HMBOX1: variants seen among roughly 807,000 people sequenced by gnomAD.
HMBOX1 encodes homeobox containing 1.
Under a neutral mutation model 54.5 loss-of-function variants are expected in HMBOX1, and 14 were observed. The ratio of observed to expected loss-of-function variants is 0.26; its 90% CI spans 0.17 to 0.40. HMBOX1 has a LOEUF of 0.40. Ranked by LOEUF, HMBOX1 falls within the 10% of genes least tolerant of loss-of-function variation. The pLI is 1.00. For synonymous variants in HMBOX1, 160 were observed against 181.0 expected (o/e 0.88, Z 0.93); for missense variants, 332 against 514.4 (o/e 0.65, Z 3.43).
chr8:28,966,443 C>G (rs529608192), intron 2 of HMBOX1, among the ~76,000 whole-genome samples: 1 of 152,116 alleles, frequency 6.6e-6, no homozygotes, highest in African/African-American at 2.4e-5. Flanking sequence ...AAAGATGTTC[C>G]TTATCCTCTG....
intron 2 of HMBOX1, among the ~76,000 whole-genome samples, chr8:28,964,309 C>G (rs1382682009): frequency 6.6e-6 from 1 of 152,106 alleles, no homozygotes; most frequent in African/African-American, 2.4e-5. Flanking sequence ...AAACTCCTAG[C>G]ACCTTAACCA....
intron 4 of HMBOX1, among the ~76,000 whole-genome samples, chr8:28,983,015 G>A (rs1314203534): frequency 2.6e-5 from 4 of 152,290 alleles, no homozygotes; most frequent in East Asian, 3.9e-4. Flanking sequence ...ACCGCACCCG[G>A]CTATCATCTC....
At chr8:29,043,788 A>G (rs901296530) in intron 6 of HMBOX1, among the ~76,000 whole-genome samples, 1 of 152,190 alleles carries the variant, frequency 6.6e-6, no homozygotes, top group Non-Finnish European at 1.5e-5. Context: ...GCCTAAGTAA[A>G]TAGGCATAGG....
intron 1 of HMBOX1, among the ~76,000 whole-genome samples, chr8:28,951,950 T>A (rs1229630280): frequency 6.6e-6 from 1 of 152,054 alleles, no homozygotes; most frequent in Non-Finnish European, 1.5e-5. Flanking sequence ...GGAGGAACAC[T>A]TAAGCCCGAT....
rs369522815 is a variant in HMBOX1 at position 28,953,484 on chromosome 8, T to G, written c.-57-10327T>G. On this transcript the variant is annotated intron_variant, in intron 1 of 9. Transcript: ENST00000287701. Reference sequence around the variant, plus strand: ...AAAGATCCTAAACATGACTTTAACTTCTCGATGAGTCACTGTTATGTGTAG... The same window carrying G: ...AAAGATCCTAAACATGACTTTAACTGCTCGATGAGTCACTGTTATGTGTAG... Among the ~76,000 whole-genome samples the G allele has an allele frequency of 3.3e-5, 5 of 152,326 alleles. No individual in the cohort carries two copies. In the South Asian group the frequency reaches 6.2e-4, roughly 19 times the overall value.
In HMBOX1 at chr8:28,950,383, A is replaced by G. The variant is rs76827134; in HGVS notation, c.-57-13428A>G. 3.9e-3 allele frequency among the ~76,000 whole-genome samples: 599 copies of G among 152,326 alleles called. 11 individuals are homozygous for G. In the East Asian group the frequency reaches 0.056, roughly 14 times the overall value. On this transcript the variant is annotated intron_variant, in intron 1 of 9. Transcript: ENST00000287701. The stretch of plus-strand genomic sequence containing the variant: ...TTGCACTAAACTGACATGGAGAGAA[A>G]GTTCTACCTGCTGTAATACATTTGT...
chr8:28,903,386 C>T (rs894643442), intron 1 of HMBOX1, among the ~76,000 whole-genome samples: 2 of 152,148 alleles, frequency 1.3e-5, no homozygotes, highest in African/African-American at 4.8e-5. Flanking sequence ...GTTAGATTGG[C>T]CTGTGGTAAA....
At chr8:28,980,279 G>A in intron 4 of HMBOX1, 123 bp downstream of exon 4, 1 of 729,084 alleles carries the variant, frequency 1.4e-6, no homozygotes, top group Non-Finnish European at 2.4e-6. Context: ...GCATAATTAT[G>A]TATGCCTGTG....
chr8:29,035,507 C>A (rs1803709316), intron 6 of HMBOX1, among the ~76,000 whole-genome samples: 1 of 152,162 alleles, frequency 6.6e-6, no homozygotes, highest in Non-Finnish European at 1.5e-5. Context: ...ATGCAGCTGC[C>A]ATCTAGCTAA....
rs557004719 is a variant in HMBOX1, at chr8:28,974,057, G to A, written c.500+3538G>A. 2.1e-4 allele frequency among the ~76,000 whole-genome samples: 32 copies of A among 151,888 alleles called. 1 individual carries two copies. Among genetic ancestry groups the A allele is most frequent in the Middle Eastern group, 6.8e-3 (2 of 294 alleles). ...TCAAACTCCTGGCCTCAAGTGATCCGCCCACCTTGGCCTCCCAAAGTGCTG... is the reference window on the plus strand; with the variant it reads ...TCAAACTCCTGGCCTCAAGTGATCCACCCACCTTGGCCTCCCAAAGTGCTG... On this transcript the variant is annotated intron_variant, in intron 3 of 9. Transcript: ENST00000287701.
At chr8:28,932,938 T>A (rs1193088250) in intron 1 of HMBOX1, among the ~76,000 whole-genome samples, 4 of 152,208 alleles carry the variant, frequency 2.6e-5, no homozygotes. Context: ...CTTTACATGG[T>A]GATCTCTGTG....
intron 5 of HMBOX1, chr8:29,009,779 A>G: frequency 2.4e-6 from 3 of 1,272,790 alleles, no homozygotes; most frequent in Non-Finnish European, 3.1e-6. Flanking sequence ...ATTTATGTCT[A>G]GAGTTGGAAG....
intron 1 of HMBOX1, among the ~76,000 whole-genome samples, chr8:28,959,423 T>G (rs1825065991): frequency 6.6e-6 from 1 of 152,112 alleles, no homozygotes; most frequent in Admixed American, 6.6e-5. Context: ...GGCTCACATT[T>G]TAAAACTTAT....
At chr8:29,035,401 C>A (rs748324553) in intron 6 of HMBOX1, among the ~76,000 whole-genome samples, 8 of 152,170 alleles carry the variant, frequency 5.3e-5, no homozygotes, top group Non-Finnish European at 7.4e-5. Flanking sequence ...ACACCTTGTA[C>A]ACCAGGAATA....
chr8:29,015,396 CCTTA>C (rs1834852690), intron 5 of HMBOX1, among the ~76,000 whole-genome samples: 1 of 152,292 alleles, frequency 6.6e-6, no homozygotes, highest in African/African-American at 2.4e-5. Flanking sequence ...GGTTGTATTC[CCTTA>C]CTGAGTCTTA....
chr8:28,961,960 A>G (rs1448174758), intron 1 of HMBOX1, among the ~76,000 whole-genome samples: 2 of 143,734 alleles, frequency 1.4e-5, no homozygotes, highest in African/African-American at 5.2e-5. Flanking sequence ...ATGTTGCCCA[A>G]ACTAGCCTTG....
intron 1 of HMBOX1, among the ~76,000 whole-genome samples, chr8:28,928,639 G>A (rs1818961761): frequency 6.6e-6 from 1 of 152,188 alleles, no homozygotes; most frequent in African/African-American, 2.4e-5. Context: ...TAAAGAAAAT[G>A]TAGAGTGTGT....
chr8:28,960,745 CTCTTTTTCTTTT>C (rs1253306225), intron 1 of HMBOX1, among the ~76,000 whole-genome samples: 29,609 of 66,378 alleles, frequency 0.45, 8,720 homozygotes, highest in East Asian at 0.5. Flanking sequence ...TAAACTTATT[CTCTTTTTCTTTT>C]TCTTTTTCTT....
intron 5 of HMBOX1, among the ~76,000 whole-genome samples, chr8:29,017,151 C>G (rs909070086): frequency 3.3e-5 from 5 of 152,140 alleles, no homozygotes; most frequent in African/African-American, 9.7e-5. Context: ...GGCAGAAGAC[C>G]CTGGGGACTG....
Sources: allele counts gnomAD v4.1 joint callset (sites outside exome capture counted in the v4.1 genomes callset), GRCh38; gene constraint gnomAD v4.1.1; transcripts MANE v1.5; gene names NCBI Gene and HGNC (gene_info 2026-07-23, HGNC 2026-07-21).